RBM19: variants seen among roughly 807,000 people sequenced by gnomAD.
RBM19 encodes RNA binding motif protein 19.
Under a neutral mutation model 116.8 loss-of-function variants are expected in RBM19, and 94 were observed. That is an observed-to-expected ratio of 0.80 (90% CI 0.68 to 0.95). The LOEUF (loss-of-function observed/expected upper bound fraction) is 0.95. Among genes scored for constraint, RBM19 ranks in the 40% least tolerant of loss-of-function variants. The pLI, the probability that RBM19 is intolerant of heterozygous loss-of-function variation, is 0.00. For missense variants in RBM19, 1,161 were observed against 1,220.7 expected (o/e 0.95, Z 0.73); for synonymous variants, 475 against 494.1 (o/e 0.96, Z 0.51).
At chr12:113,949,699 G>C (rs894204096) in intron 9 of RBM19, among the ~76,000 whole-genome samples, 5 of 152,096 alleles carry the variant, frequency 3.3e-5, no homozygotes, top group Admixed American at 1.3e-4. Context: ...TGTCCGTAGA[G>C]CCAGAGCCTA....
At chr12:113,924,825 A>G (rs1868916412) in intron 17 of RBM19, 68 bp from the exon 18 acceptor site, 1 of 1,358,256 alleles carries the variant, frequency 7.4e-7, no homozygotes, top group Admixed American at 1.7e-5. Flanking sequence ...CACCTGTCAA[A>G]CACTATACCC....
intron 21 of RBM19, among the ~76,000 whole-genome samples, chr12:113,906,568 T>C (rs1882058225): frequency 6.6e-6 from 1 of 152,144 alleles, no homozygotes; most frequent in Admixed American, 6.5e-5. Context: ...CCACCTGCCA[T>C]ACTGTCCGCT....
intron 21 of RBM19, among the ~76,000 whole-genome samples, chr12:113,876,789 CA>C (rs33999104): frequency 1.4e-5 from 2 of 145,498 alleles, no homozygotes; most frequent in South Asian, 2.2e-4. Context: ...ACCCTGTCTC[CA>C]AAAAAAAATA....
intron 21 of RBM19, among the ~76,000 whole-genome samples, chr12:113,872,205 T>C (rs941942538): frequency 1.6e-4 from 23 of 147,322 alleles, no homozygotes; most frequent in Non-Finnish European, 2.6e-4. Flanking sequence ...GGAGCGCCTC[T>C]GCCCGGCCGA....
rs372573929 is a variant in RBM19 at position 113,952,548 on chromosome 12, T to C, written c.964A>G (p.Ile322Val). 9 of 1,613,746 alleles carry C rather than the reference T, an allele frequency of 5.6e-6. No homozygotes were observed. Among genetic ancestry groups the C allele is most frequent in the Non-Finnish European group, 7.6e-6 (9 of 1,179,784 alleles). ...EFLAPLKPVA[I>V]RIVRNAHGNK... The stretch of plus-strand genomic sequence containing the variant: ...CCATGAGCGTTTCTCACAATTCGAA[T>C]GGCCACTGGTTTCAGGGGTGCCAGG... The change falls in exon 8 of 24, where the codon ATT becomes GTT. Residue 322 changes from isoleucine (I) to valine (V), a missense_variant. Ile to Val is a conservative substitution (Grantham distance 29). Coordinates refer to ENST00000261741, the MANE Select transcript of RBM19 (RefSeq NM_016196.4).
intron 23 of RBM19, among the ~76,000 whole-genome samples, chr12:113,824,597 A>T (rs1874698038): frequency 6.6e-6 from 1 of 151,876 alleles, no homozygotes; most frequent in African/African-American, 2.4e-5. Flanking sequence ...ACCTCCATTT[A>T]TCCGCAGGCT....
rs115175531 is a variant in RBM19, at chr12:113,856,612, G to A, written c.2664+2179C>T. On this transcript the variant is annotated intron_variant, in intron 22 of 23. Transcript: ENST00000261741. ...CAAGCCATTCAGAACAGCAGTGAGC[G>A]TTTCCTGGAGGTGCACCCATTGGGC... Among the ~76,000 whole-genome samples the A allele has an allele frequency of 3.3e-3, 507 of 152,320 alleles. 6 individuals are homozygous for A. The highest frequency in any genetic ancestry group is 0.012 in the African/African-American group (490 of 41,568).
Position 113,937,116 on chromosome 12 carries a change from A to G in RBM19, c.1959T>C (p.Tyr653=). The G allele has an allele frequency of 6.2e-7, 1 of 1,614,006 alleles. No individual in the cohort carries two copies. Among genetic ancestry groups the G allele is most frequent in the Non-Finnish European group, 8.5e-7 (1 of 1,179,934 alleles). Residue 653 remains tyrosine, a synonymous_variant, in exon 16 of 24, where the codon TAT becomes TAC. Coordinates refer to ENST00000261741, the MANE Select transcript of RBM19 (RefSeq NM_016196.4). ...AGACGCCAACTGGAGCCCACTCCAG[A>G]TAGAGGGGGACATGATGGAACTGCA... ...AYSKFHHVPL[Y]LEWAPVGVFS... is the part of the protein sequence containing the mutation.
intron 21 of RBM19, among the ~76,000 whole-genome samples, chr12:113,859,153 C>G (rs1006882592): frequency 6.6e-6 from 1 of 152,218 alleles, no homozygotes; most frequent in Admixed American, 6.5e-5. Flanking sequence ...CTGCAACCAG[C>G]TAGAGACTCC....
chr12:113,880,369 A>G (rs1393273044), intron 21 of RBM19, among the ~76,000 whole-genome samples: 6 of 152,130 alleles, frequency 3.9e-5, no homozygotes, highest in Admixed American at 6.6e-5. Flanking sequence ...CGTGGGTTCC[A>G]TGATCCTGCC....
intron 21 of RBM19, among the ~76,000 whole-genome samples, chr12:113,894,659 TA>T (rs2135813816): frequency 6.6e-6 from 1 of 152,358 alleles, no homozygotes; most frequent in East Asian, 1.9e-4. Flanking sequence ...AGGTCTTAAT[TA>T]TTCTGGAAGT....
At chr12:113,887,395 T>C (rs939457511) in intron 21 of RBM19, among the ~76,000 whole-genome samples, 5 of 152,002 alleles carry the variant, frequency 3.3e-5, no homozygotes, top group Non-Finnish European at 7.4e-5. Flanking sequence ...CCCAGCACTT[T>C]GGGAGGCCGA....
At position 113,823,327 on chromosome 12, in the gene RBM19, G is replaced by C. The variant is rs761215682; in HGVS notation, c.2786-6C>G. On this transcript the variant is annotated splice_region_variant and splice_polypyrimidine_tract_variant and intron_variant, in intron 23 of 23. Transcript: ENST00000261741. ...CCGCTTTTTCTTCGGGGGCTCTGTG[G>C]GAGCCCAGATGGCAAGAGAGGAGAA... 5 of 1,611,854 alleles carry C rather than the reference G, an allele frequency of 3.1e-6. No individual in the cohort carries two copies. The highest frequency in any genetic ancestry group is 1.7e-5 in the Admixed American group (1 of 60,022).
intron 16 of RBM19, among the ~76,000 whole-genome samples, chr12:113,929,566 G>A (rs773980765): frequency 1.3e-5 from 2 of 152,312 alleles, no homozygotes; most frequent in South Asian, 2.1e-4. Context: ...TGGTGAGAAC[G>A]AAAGCTATGC....
chr12:113,935,018 G>A (rs1020377816), intron 16 of RBM19, among the ~76,000 whole-genome samples: 3 of 152,158 alleles, frequency 2.0e-5, no homozygotes, highest in African/African-American at 4.8e-5. Flanking sequence ...CTGCCTTCAC[G>A]GCTCAAAGTC....
chr12:113,965,206 A>G (rs767748059), intron 1 of RBM19, among the ~76,000 whole-genome samples: 1 of 151,878 alleles, frequency 6.6e-6, no homozygotes, highest in Non-Finnish European at 1.5e-5. Flanking sequence ...CCGGGAGGCA[A>G]AAGTTGCAGT....
At chr12:113,916,714 A>G (rs1450219950) in intron 20 of RBM19, among the ~76,000 whole-genome samples, 1 of 152,194 alleles carries the variant, frequency 6.6e-6, no homozygotes, top group Non-Finnish European at 1.5e-5. Flanking sequence ...CCCCAAGGTG[A>G]GGAACTGAGG....
intron 17 of RBM19, among the ~76,000 whole-genome samples, 174 bp downstream of exon 17, chr12:113,926,880 G>A (rs1869121229): frequency 1.3e-5 from 2 of 152,234 alleles, no homozygotes. Context: ...GTCTTCCGTT[G>A]AGTCATCTAC....
chr12:113,912,093 TG>T (rs1481199790), intron 21 of RBM19, among the ~76,000 whole-genome samples: 1 of 152,204 alleles, frequency 6.6e-6, no homozygotes. Context: ...GTTAAGGGGC[TG>T]GAGTGTGGTG....
Sources: allele counts gnomAD v4.1 joint callset (sites outside exome capture counted in the v4.1 genomes callset), GRCh38; gene constraint gnomAD v4.1.1; transcripts MANE v1.5; gene names NCBI Gene and HGNC (gene_info 2026-07-23, HGNC 2026-07-21).